Variants in LIMS1 observed in about 807,000 individuals in gnomAD.
LIMS1 encodes the protein LIM zinc finger domain containing 1.
A neutral mutation model predicts 44.1 loss-of-function variants in LIMS1; 18 were observed. The ratio of observed to expected loss-of-function variants is 0.41; its 90% CI spans 0.28 to 0.61. The LOEUF (loss-of-function observed/expected upper bound fraction) is 0.61, where lower values mean the gene tolerates loss of function less well. Ranked by LOEUF, LIMS1 falls within the 20% of genes least tolerant of loss-of-function variation. The probability of loss-of-function intolerance (pLI) is 0.32; values close to 1 mark genes in which losing one functional copy is unlikely to be tolerated. For synonymous variants in LIMS1, 93 were observed against 149.1 expected, an observed-to-expected ratio of 0.62 and a Z score of 2.74; for missense variants, 201 against 422.0, an observed-to-expected ratio of 0.48 and a Z score of 4.59.
intron 1 of LIMS1, among the ~76,000 whole-genome samples, chr2:108,595,948 G>A (rs1395247755): frequency 6.6e-6 from 1 of 152,162 alleles, no homozygotes; most frequent in Non-Finnish European, 1.5e-5. Context: ...AGGAGAACCT[G>A]AGGTTATCTG....
At chr2:108,657,091 T>A (rs1690915690) in intron 1 of LIMS1, among the ~76,000 whole-genome samples, 1 of 129,740 alleles carries the variant, frequency 7.7e-6, no homozygotes, top group African/African-American at 2.9e-5. Context: ...TTTTTGCAAA[T>A]CTTGTTAATA....
In LIMS1 at chr2:108,671,537, C is replaced by A. The variant is rs552112688; in HGVS notation, c.259+690C>A. 6.6e-5 allele frequency among the ~76,000 whole-genome samples: 10 copies of A among 152,228 alleles called. No homozygotes were observed. The South Asian group carries it at 1.9e-3, about 28-fold the overall frequency. On this transcript the variant is annotated intron_variant, in intron 3 of 9. Coordinates refer to ENST00000544547, the Ensembl canonical transcript of LIMS1. ...GGATGCTTAAACATTGCTTGCACGG[C>A]GCATAAGTGATGGACTTGCTTGCAC...
At chr2:108,594,968 T>C (rs953887158) in intron 1 of LIMS1, among the ~76,000 whole-genome samples, 1 of 152,054 alleles carries the variant, frequency 6.6e-6, no homozygotes, top group East Asian at 1.9e-4. Flanking sequence ...AGAGGAATTA[T>C]GGTGGGGCAA....
chr2:108,550,141 A>T (rs1684631949), intron 1 of LIMS1, among the ~76,000 whole-genome samples: 1 of 152,180 alleles, frequency 6.6e-6, no homozygotes, highest in African/African-American at 2.4e-5. Context: ...ATATGGTATG[A>T]TTAGAACTTT....
intron 9 of LIMS1, chr2:108,681,497 A>G (rs1341342485): frequency 2.0e-6 from 2 of 978,878 alleles, no homozygotes; most frequent in Non-Finnish European, 2.4e-6. Context: ...ATTTTAAAGG[A>G]TTTTTGTCTG....
chr2:108,589,650 C>A (rs1415539023), intron 1 of LIMS1, among the ~76,000 whole-genome samples: 1 of 152,132 alleles, frequency 6.6e-6, no homozygotes, highest in African/African-American at 2.4e-5. Flanking sequence ...TTGCTGTAAA[C>A]TTCCCTGTTA....
At chr2:108,537,189 CT>C (rs1684172731) in intron 1 of LIMS1, among the ~76,000 whole-genome samples, 1 of 152,196 alleles carries the variant, frequency 6.6e-6, no homozygotes, top group South Asian at 2.1e-4. Context: ...ACAGTGACTT[CT>C]TAGGAATATC....
At chr2:108,569,450 G>C (rs1259884586) in intron 1 of LIMS1, among the ~76,000 whole-genome samples, 2 of 152,022 alleles carry the variant, frequency 1.3e-5, no homozygotes, top group Non-Finnish European at 2.9e-5. Context: ...TTTCTTCTAG[G>C]AGTTTTATAC....
intron 1 of LIMS1, among the ~76,000 whole-genome samples, chr2:108,646,645 G>C (rs1690083261): frequency 6.6e-6 from 1 of 152,218 alleles, no homozygotes; most frequent in Admixed American, 6.5e-5. Flanking sequence ...CAGAAAAGGA[G>C]ATAGATACAC....
chr2:108,674,960 T>C (rs1388947948), intron 5 of LIMS1, among the ~76,000 whole-genome samples: 1 of 151,660 alleles, frequency 6.6e-6, no homozygotes, highest in South Asian at 2.1e-4. Flanking sequence ...CAAATGTTTA[T>C]TGATGCAGGA....
chr2:108,639,683 C>T (rs1162661116), intron 1 of LIMS1, among the ~76,000 whole-genome samples: 2 of 152,168 alleles, frequency 1.3e-5, no homozygotes, highest in Admixed American at 1.3e-4. Context: ...GAACTCCTAA[C>T]CTCATGATTC....
intron 1 of LIMS1, among the ~76,000 whole-genome samples, chr2:108,620,013 A>T (rs941641757): frequency 6.6e-6 from 1 of 152,086 alleles, no homozygotes; most frequent in Non-Finnish European, 1.5e-5. Flanking sequence ...AAAATGGTAA[A>T]TTTTTTCCCT....
chr2:108,667,709 T>C (rs1454255026), intron 2 of LIMS1, among the ~76,000 whole-genome samples: 1 of 151,790 alleles, frequency 6.6e-6, no homozygotes, highest in East Asian at 1.9e-4. Flanking sequence ...CCACAGAGGA[T>C]TGGTTCCAGG....
intron 1 of LIMS1, among the ~76,000 whole-genome samples, chr2:108,634,912 T>TCTC (rs1451646323): frequency 6.6e-6 from 1 of 152,188 alleles, no homozygotes; most frequent in Non-Finnish European, 1.5e-5. Context: ...GTTCCTTTAT[T>TCTC]CTCCTCTTGT....
At chr2:108,580,189 G>C (rs947767279) in intron 1 of LIMS1, among the ~76,000 whole-genome samples, 1 of 152,196 alleles carries the variant, frequency 6.6e-6, no homozygotes, top group Non-Finnish European at 1.5e-5. Flanking sequence ...GGGCTTTCCC[G>C]GTGTCTCTGC....
At chr2:108,551,949 GTGTGTA>G (rs1448066143) in intron 1 of LIMS1, among the ~76,000 whole-genome samples, 125 of 97,986 alleles carry the variant, frequency 1.3e-3, no homozygotes, top group East Asian at 8.4e-3. Context: ...GTGTGTGTGT[GTGTGTA>G]TATATATATA....
At chr2:108,620,243 T>C (rs190110241) in intron 1 of LIMS1, among the ~76,000 whole-genome samples, 1 of 152,312 alleles carries the variant, frequency 6.6e-6, no homozygotes, top group Admixed American at 6.5e-5. Context: ...ACTCTCTAGC[T>C]CTTAGTGTAA....
At chr2:108,684,000 G>C in exon 10 of LIMS1, 4 of 1,460,480 alleles carry the variant, frequency 2.7e-6, no homozygotes, top group Non-Finnish European at 3.8e-6. Flanking sequence ...AAGGAAATAA[G>C]TTCCTTTATT....
At position 108,679,816 on chromosome 2, in the gene LIMS1, G is replaced by A. The variant is rs189848374; in HGVS notation, c.824-879G>A. On this transcript the variant is annotated intron_variant, in intron 8 of 9. Coordinates refer to ENST00000544547, the Ensembl canonical transcript of LIMS1. ...TATGGTCCCAGCTACACAGGAGAAC[G>A]AGAGGAGAAGATTGCTTGAGCCCAG... 7.9e-4 allele frequency among the ~76,000 whole-genome samples: 120 copies of A among 152,288 alleles called. 1 individual carries two copies. The highest frequency in any genetic ancestry group is 3.7e-4 in the Non-Finnish European group (25 of 68,028).
Sources: gnomAD v4.1 joint callset for allele counts (sites outside exome capture counted in the v4.1 genomes callset) on GRCh38, gnomAD v4.1.1 for gene constraint, MANE v1.5 for transcripts, NCBI Gene and HGNC (gene_info 2026-07-23, HGNC 2026-07-21) for gene names.